Variants in SPATA13 observed in about 807,000 individuals in gnomAD.
The protein encoded by SPATA13 is spermatogenesis associated 13.
In SPATA13, 50 loss-of-function variants were observed where a neutral mutation model predicts 104.0. The observed-to-expected ratio is 0.48, with a 90% confidence interval of 0.38 to 0.61. The LOEUF (loss-of-function observed/expected upper bound fraction) is 0.61. Ranked by LOEUF, SPATA13 falls within the 20% of genes least tolerant of loss-of-function variation. The pLI is 0.00. For missense variants in SPATA13, 1,524 were observed against 1,690.6 expected (o/e 0.90, Z 1.73); for synonymous variants, 606 against 667.5 (o/e 0.91, Z 1.42).
chr13:24,043,215 G>T (rs991685821), intron 3 of SPATA13, among the ~76,000 whole-genome samples: 2 of 152,172 alleles, frequency 1.3e-5, no homozygotes, highest in Non-Finnish European at 2.9e-5. Flanking sequence ...TAGCTGCCTC[G>T]CCTTGGACAT....
intron 1 of SPATA13, among the ~76,000 whole-genome samples, chr13:24,203,663 C>T (rs7327723): frequency 0.91 from 138,084 of 152,214 alleles, 64,161 homozygotes; most frequent in East Asian, 1. Context: ...TTAAATTTCA[C>T]GGGTTCTTCA....
At chr13:24,204,617 C>A (rs1357058106) in intron 1 of SPATA13, among the ~76,000 whole-genome samples, 1 of 152,130 alleles carries the variant, frequency 6.6e-6, no homozygotes, top group African/African-American at 2.4e-5. Context: ...CTCCTCCTCC[C>A]AGACCCCAGA....
chr13:24,080,368 G>C (rs1336367137), intron 3 of SPATA13, among the ~76,000 whole-genome samples: 1 of 152,224 alleles, frequency 6.6e-6, no homozygotes, highest in Non-Finnish European at 1.5e-5. Flanking sequence ...AGGAACCAAC[G>C]ACTTACTAGA....
intron 3 of SPATA13, among the ~76,000 whole-genome samples, chr13:24,111,561 C>T (rs1055724119): frequency 1.3e-5 from 2 of 152,144 alleles, no homozygotes; most frequent in Non-Finnish European, 2.9e-5. Flanking sequence ...GTACACACCA[C>T]CACACCTGGC....
At chr13:24,175,579 G>T (rs1172904491) in intron 1 of SPATA13, among the ~76,000 whole-genome samples, 1 of 152,200 alleles carries the variant, frequency 6.6e-6, no homozygotes, top group Non-Finnish European at 1.5e-5. Context: ...TGTCTATCTA[G>T]ATTTCTTGTT....
At chr13:24,293,167 TAAAAG>T (rs1286146650) in intron 9 of SPATA13, among the ~76,000 whole-genome samples, 2 of 147,914 alleles carry the variant, frequency 1.4e-5, no homozygotes, top group African/African-American at 2.5e-5. Context: ...TTGAAATAGA[TAAAAG>T]AAGAGAGAGC....
chr13:24,228,029 C>T (rs1593439551), intron 2 of SPATA13, among the ~76,000 whole-genome samples: 3 of 151,924 alleles, frequency 2.0e-5, no homozygotes, highest in South Asian at 4.2e-4. Flanking sequence ...CTCAGCCTCC[C>T]GATTAGCTAG....
chr13:23,981,601 A>G (rs1479206553), intron 1 of SPATA13, among the ~76,000 whole-genome samples: 1 of 152,212 alleles, frequency 6.6e-6, no homozygotes, highest in African/African-American at 2.4e-5. Flanking sequence ...TCAGGTACAC[A>G]GACCACAGCT....
Position 24,220,876 on chromosome 13 carries a change from G to A in SPATA13, c.-111-1943G>A, listed in dbSNP as rs142246103. Among the ~76,000 whole-genome samples the A allele has an allele frequency of 9.9e-3, 1,501 of 152,342 alleles. 9 individuals carry two copies. The highest frequency in any genetic ancestry group is 0.014 in the Non-Finnish European group (933 of 68,036). On this transcript the variant is annotated intron_variant, in intron 1 of 12. Transcript: ENST00000382108. ...AACCCATCAAGAACATGGGGCGTAG[G>A]AGCAGAAGAGAGATGTTTCTGTTTG...
intron 11 of SPATA13, among the ~76,000 whole-genome samples, chr13:24,299,308 G>T (rs1001430741): frequency 1.3e-5 from 2 of 152,202 alleles, no homozygotes; most frequent in Admixed American, 1.3e-4. Context: ...AATGCTCCCT[G>T]TGGCCAGTGC....
chr13:24,042,997 C>T (rs535191318), intron 3 of SPATA13, among the ~76,000 whole-genome samples: 6 of 152,338 alleles, frequency 3.9e-5, no homozygotes, highest in South Asian at 4.1e-4. Flanking sequence ...TGAACCCTTT[C>T]GCAATGTGTG....
chr13:24,094,906 C>T (rs1880022894), intron 3 of SPATA13, among the ~76,000 whole-genome samples: 3 of 152,174 alleles, frequency 2.0e-5, no homozygotes, highest in African/African-American at 7.2e-5. Flanking sequence ...AAAGAAAATA[C>T]TAAGTGTTGG....
intron 4 of SPATA13, among the ~76,000 whole-genome samples, chr13:24,280,922 G>A (rs1200646351): frequency 1.3e-5 from 2 of 152,118 alleles, no homozygotes; most frequent in East Asian, 1.9e-4. Flanking sequence ...CATTTAAAAC[G>A]AAACAGTCAC....
intron 3 of SPATA13, among the ~76,000 whole-genome samples, chr13:24,098,125 G>A (rs1449984955): frequency 6.6e-6 from 1 of 152,032 alleles, no homozygotes; most frequent in African/African-American, 2.4e-5. Context: ...TAAAAAGGGA[G>A]TTTTTATCTC....
chr13:23,993,684 C>T (rs532047180), intron 2 of SPATA13, among the ~76,000 whole-genome samples: 23 of 152,266 alleles, frequency 1.5e-4, no homozygotes, highest in Admixed American at 9.8e-4. Flanking sequence ...TGAGAATTTA[C>T]CTAGGAAAGC....
Position 24,034,807 on chromosome 13 carries a change from A to G in SPATA13, c.-112+17106A>G, listed in dbSNP as rs1877620025. The G allele has an allele frequency of 2.6e-5, 4 of 152,380 alleles. No homozygotes were observed. In the South Asian group the frequency reaches 8.3e-4, roughly 32 times the overall value. 9.4% of individuals were successfully genotyped at this position (152,380 alleles called of 1,614,324 possible). A position where few individuals can be genotyped will look rare whatever the true frequency, so the allele number is the denominator to read the frequency against. On this transcript the variant is annotated intron_variant, in intron 3 of 14. Transcript: ENST00000424834. Reference sequence around the variant, plus strand: ...CAGAGTCCTAGGAGTGATTGTCCCCAGAGAGCAGAAGCAAAAGCTCTCATC... The same window carrying G: ...CAGAGTCCTAGGAGTGATTGTCCCCGGAGAGCAGAAGCAAAAGCTCTCATC...
chr13:24,044,303 G>A lies in SPATA13; in HGVS notation c.-112+26602G>A, dbSNP rs568770438. ...GCTGGAGTGCAGCAGCGCTATCATG[G>A]CTCACTGCAATCTCCACCTCCTGGG... is the stretch of plus-strand genomic sequence containing the variant. On this transcript the variant is annotated intron_variant, in intron 3 of 14. Transcript: ENST00000424834. Among the ~76,000 whole-genome samples the A allele has an allele frequency of 1.0e-3, 151 of 149,326 alleles. 3 individuals carry two copies. Among genetic ancestry groups the A allele is most frequent in the African/African-American group, 3.5e-3 (142 of 40,590 alleles).
intron 4 of SPATA13, among the ~76,000 whole-genome samples, chr13:24,271,101 G>C (rs1874580379): frequency 2.0e-5 from 3 of 151,174 alleles, no homozygotes. Context: ...TGAGCCTGTG[G>C]GGAAAAGCTC....
At chr13:24,184,402 G>A (rs1869015430) in intron 1 of SPATA13, among the ~76,000 whole-genome samples, 1 of 152,210 alleles carries the variant, frequency 6.6e-6, no homozygotes, top group Admixed American at 6.5e-5. Context: ...GCTGGGCCAA[G>A]CAGCCACCAG....
Sources: allele counts gnomAD v4.1 joint callset (sites outside exome capture counted in the v4.1 genomes callset), GRCh38; gene constraint gnomAD v4.1.1; transcripts MANE v1.5; gene names NCBI Gene and HGNC (gene_info 2026-07-23, HGNC 2026-07-21).